CNTN4: variants seen among roughly 807,000 people sequenced by gnomAD.
CNTN4 encodes the protein contactin 4, also known as contactin-4.
A neutral mutation model predicts 122.5 loss-of-function variants in CNTN4; 77 were observed. That is an observed-to-expected ratio of 0.63 (90% CI 0.52 to 0.76). The LOEUF is 0.76. Ranked by LOEUF, CNTN4 falls within the 30% of genes least tolerant of loss-of-function variation. The pLI is 0.00. For synonymous variants in CNTN4, 512 were observed against 447.0 expected (o/e 1.15, Z -1.83); for missense variants, 1,256 against 1,259.1 (o/e 1.00, Z 0.04).
At chr3:2,464,152 A>G (rs891794048) in intron 3 of CNTN4, among the ~76,000 whole-genome samples, 1 of 152,168 alleles carries the variant, frequency 6.6e-6, no homozygotes, top group Admixed American at 6.5e-5. Context: ...CCTCTGCTCT[A>G]TCTATCCTAG....
intron 2 of CNTN4, among the ~76,000 whole-genome samples, chr3:2,117,750 A>C (rs1353312743): frequency 6.6e-6 from 1 of 152,178 alleles, no homozygotes; most frequent in Non-Finnish European, 1.5e-5. Context: ...CTAATGGAAT[A>C]TTTTAAAATT....
intron 3 of CNTN4, among the ~76,000 whole-genome samples, chr3:2,355,084 G>T (rs998670453): frequency 8.5e-5 from 13 of 152,160 alleles, no homozygotes; most frequent in African/African-American, 2.9e-4. Flanking sequence ...TGCTGTGAAT[G>T]CCCCCAAGCT....
chr3:2,229,355 A>G (rs899969496), intron 2 of CNTN4, among the ~76,000 whole-genome samples: 1 of 152,172 alleles, frequency 6.6e-6, no homozygotes, highest in Non-Finnish European at 1.5e-5. Flanking sequence ...AGAGGGAACC[A>G]CTGTTTCCAC....
intron 2 of CNTN4, among the ~76,000 whole-genome samples, chr3:2,109,253 A>G (rs570936814): frequency 3.8e-4 from 58 of 152,232 alleles, no homozygotes; most frequent in African/African-American, 1.3e-3. Flanking sequence ...ATTTTTATTA[A>G]TGAAATAAAA....
intron 2 of CNTN4, among the ~76,000 whole-genome samples, chr3:2,177,172 A>G (rs1042214617): frequency 6.6e-6 from 1 of 152,172 alleles, no homozygotes; most frequent in East Asian, 1.9e-4. Context: ...AAGAATTGCT[A>G]AAACCAAGTG....
intron 2 of CNTN4, among the ~76,000 whole-genome samples, chr3:2,280,240 G>A (rs1037350360): frequency 6.6e-6 from 1 of 152,098 alleles, no homozygotes; most frequent in Admixed American, 6.6e-5. Context: ...GATTACAGGC[G>A]TGAGCCACTG....
chr3:2,508,528 T>G (rs188834855), intron 3 of CNTN4, among the ~76,000 whole-genome samples: 32 of 152,292 alleles, frequency 2.1e-4, no homozygotes, highest in Non-Finnish European at 1.2e-4. Context: ...TGAGCTGTAT[T>G]TAGCTTGGTG....
chr3:3,021,811 G>A (rs1021444227), intron 14 of CNTN4, among the ~76,000 whole-genome samples: 43 of 152,174 alleles, frequency 2.8e-4, no homozygotes, highest in African/African-American at 5.1e-4. Context: ...CAGGTATGGC[G>A]GCTCACGCCT....
chr3:2,245,009 A>G (rs1355663044), intron 2 of CNTN4, among the ~76,000 whole-genome samples: 1 of 152,042 alleles, frequency 6.6e-6, no homozygotes, highest in African/African-American at 2.4e-5. Context: ...AAATCATTCT[A>G]ACGTCAAATA....
At chr3:2,448,191 G>C (rs143113650) in intron 3 of CNTN4, among the ~76,000 whole-genome samples, 2 of 152,170 alleles carry the variant, frequency 1.3e-5, no homozygotes, top group Non-Finnish European at 2.9e-5. Context: ...GAAGCCTGGT[G>C]GGGGAAAAGC....
intron 3 of CNTN4, among the ~76,000 whole-genome samples, chr3:2,424,027 T>C (rs1377081068): frequency 6.7e-6 from 1 of 149,928 alleles, no homozygotes; most frequent in Non-Finnish European, 1.5e-5. Flanking sequence ...CTGTCAAAAT[T>C]CCTTTCAAAA....
chr3:2,563,899 C>T lies in CNTN4; in HGVS notation c.-88-7517C>T, dbSNP rs115784350. Among the ~76,000 whole-genome samples, 872 of 151,386 alleles carry T rather than the reference C, an allele frequency of 5.8e-3. 8 individuals are homozygous for T. Among genetic ancestry groups the T allele is most frequent in the African/African-American group, 0.02 (840 of 41,274 alleles). ...GTTATTAAAGAGGAAATAACAGTAA[C>T]TCAGAAAAAACAAGTACTATAAAAA... On this transcript the variant is annotated intron_variant, in intron 3 of 24. Transcript: ENST00000418658.
chr3:2,727,184 T>C (rs990391408), intron 4 of CNTN4, among the ~76,000 whole-genome samples: 3 of 152,148 alleles, frequency 2.0e-5, no homozygotes, highest in Non-Finnish European at 2.9e-5. Flanking sequence ...TGTTTGAGAA[T>C]TTAAAATGTT....
intron 14 of CNTN4, among the ~76,000 whole-genome samples, chr3:3,011,350 G>A (rs1040238900): frequency 1.3e-5 from 2 of 152,082 alleles, no homozygotes; most frequent in Non-Finnish European, 2.9e-5. Flanking sequence ...TTATTCACCG[G>A]TTATTAATCT....
At chr3:2,117,941 G>A (rs1359812289) in intron 2 of CNTN4, among the ~76,000 whole-genome samples, 2 of 151,930 alleles carry the variant, frequency 1.3e-5, no homozygotes, top group African/African-American at 4.8e-5. Context: ...TATGTTTAGA[G>A]CTTGTTTTTA....
chr3:2,405,022 G>C (rs1239616482), intron 3 of CNTN4, among the ~76,000 whole-genome samples: 1 of 152,124 alleles, frequency 6.6e-6, no homozygotes, highest in Non-Finnish European at 1.5e-5. Context: ...TCAGTGTAAA[G>C]TACGTCTGCT....
At chr3:2,779,441 T>C (rs1023591367) in intron 6 of CNTN4, among the ~76,000 whole-genome samples, 5 of 152,170 alleles carry the variant, frequency 3.3e-5, no homozygotes, top group Non-Finnish European at 7.4e-5. Context: ...TCAAGCAATC[T>C]TCCTGCCTTG....
intron 12 of CNTN4, among the ~76,000 whole-genome samples, chr3:2,913,761 A>T (rs2094325832): frequency 6.6e-6 from 1 of 152,186 alleles, no homozygotes. Context: ...CAGACAAAAG[A>T]CAAATAAGGA....
At chr3:2,440,519 A>G (rs949242510) in intron 3 of CNTN4, among the ~76,000 whole-genome samples, 1 of 152,112 alleles carries the variant, frequency 6.6e-6, no homozygotes, top group Non-Finnish European at 1.5e-5. Flanking sequence ...CTTCACTTTT[A>G]ATATGTGCGT....
Sources: allele counts gnomAD v4.1 joint callset (sites outside exome capture counted in the v4.1 genomes callset), GRCh38; gene constraint gnomAD v4.1.1; transcripts MANE v1.5; gene names NCBI Gene and HGNC (gene_info 2026-07-23, HGNC 2026-07-21).